The following LRRTM4 variants were observed in gnomAD, a reference collection of about 807,000 sequenced individuals.
LRRTM4 encodes the protein leucine rich repeat transmembrane neuronal 4.
Under a neutral mutation model 47.6 loss-of-function variants are expected in LRRTM4, and 25 were observed. That is an observed-to-expected ratio of 0.53 (90% CI 0.38 to 0.73). The LOEUF (loss-of-function observed/expected upper bound fraction) is 0.73, where lower values mean the gene tolerates loss of function less well. LRRTM4 is among the 30% of genes least tolerant of loss of function. The pLI is 0.00. For missense variants in LRRTM4, 638 were observed against 713.4 expected (o/e 0.89, Z 1.20); for synonymous variants, 311 against 269.5 (o/e 1.15, Z -1.51).
At position 77,055,935 on chromosome 2, in the gene LRRTM4, C is replaced by G. The variant is rs546065208; in HGVS notation, c.1552-307019G>C. Reference sequence around the variant, plus strand: ...AATTATCATTCTCAGTAAACTATTGCAAGAACAAAAAACCAAACACCGCAT... The same window carrying G: ...AATTATCATTCTCAGTAAACTATTGGAAGAACAAAAAACCAAACACCGCAT... On this transcript the variant is annotated intron_variant, in intron 3 of 3. Transcript: ENST00000409884. Among the ~76,000 whole-genome samples the G allele has an allele frequency of 8.7e-5, 13 of 149,876 alleles. No individual in the cohort carries two copies. In the East Asian group the frequency reaches 2.2e-3, roughly 25 times the overall value.
chr2:77,005,743 T>C (rs1677619700), intron 3 of LRRTM4, among the ~76,000 whole-genome samples: 1 of 152,150 alleles, frequency 6.6e-6, no homozygotes, highest in Non-Finnish European at 1.5e-5. Context: ...TCCGCAGTGA[T>C]TGCGAGGCCT....
chr2:77,440,000 A>C (rs1335308578), intron 3 of LRRTM4, among the ~76,000 whole-genome samples: 1 of 152,216 alleles, frequency 6.6e-6, no homozygotes, highest in African/African-American at 2.4e-5. Flanking sequence ...AGTGATATCT[A>C]TCTGTCTTAT....
At chr2:77,056,739 G>GA (rs1388739432) in intron 3 of LRRTM4, among the ~76,000 whole-genome samples, 5 of 152,192 alleles carry the variant, frequency 3.3e-5, no homozygotes, top group South Asian at 2.1e-4. Flanking sequence ...ATGATGTGGA[G>GA]AAAAAAGAAA....
chr2:77,248,547 C>T (rs770793021), intron 3 of LRRTM4, among the ~76,000 whole-genome samples: 4 of 151,904 alleles, frequency 2.6e-5, no homozygotes, highest in Non-Finnish European at 4.4e-5. Context: ...CAAACTAACT[C>T]TAAAGTTTAT....
intron 3 of LRRTM4, among the ~76,000 whole-genome samples, chr2:77,410,105 C>T (rs1573376041): frequency 6.6e-6 from 1 of 152,168 alleles, no homozygotes; most frequent in East Asian, 1.9e-4. Flanking sequence ...ATATCCATAT[C>T]TACATTTATC....
At chr2:76,846,835 C>T (rs892525683) in intron 3 of LRRTM4, among the ~76,000 whole-genome samples, 2 of 151,970 alleles carry the variant, frequency 1.3e-5, no homozygotes, top group African/African-American at 2.4e-5. Context: ...GGATATAGCC[C>T]ATTATCTGGT....
chr2:76,900,924 A>G (rs2103743809), intron 3 of LRRTM4, among the ~76,000 whole-genome samples: 1 of 152,338 alleles, frequency 6.6e-6, no homozygotes, highest in South Asian at 2.1e-4. Flanking sequence ...TGAAAGACCT[A>G]AAAATACGCC....
intron 3 of LRRTM4, among the ~76,000 whole-genome samples, chr2:77,088,134 A>T (rs1680787706): frequency 6.6e-6 from 1 of 152,194 alleles, no homozygotes; most frequent in African/African-American, 2.4e-5. Context: ...AAGAGAAGAT[A>T]ATTTATTTTG....
chr2:76,832,657 C>T (rs1056281810), intron 3 of LRRTM4, among the ~76,000 whole-genome samples: 6 of 151,954 alleles, frequency 3.9e-5, no homozygotes, highest in Non-Finnish European at 5.9e-5. Flanking sequence ...GAGATTGAAT[C>T]TAAATAACAT....
At chr2:76,779,845 T>G (rs1389562452) in intron 3 of LRRTM4, among the ~76,000 whole-genome samples, 2 of 152,182 alleles carry the variant, frequency 1.3e-5, no homozygotes, top group Non-Finnish European at 2.9e-5. Flanking sequence ...TGATGCAGTT[T>G]CTTCCTAGTC....
chr2:77,016,388 A>G (rs1396655750), intron 3 of LRRTM4, among the ~76,000 whole-genome samples: 1 of 151,734 alleles, frequency 6.6e-6, no homozygotes, highest in Admixed American at 6.6e-5. Flanking sequence ...CCATTTAAAA[A>G]AAAAAAAAAA....
chr2:77,479,837 A>G (rs1309039119), intron 3 of LRRTM4, among the ~76,000 whole-genome samples: 1 of 151,502 alleles, frequency 6.6e-6, no homozygotes, highest in Non-Finnish European at 1.5e-5. Context: ...CTTCTTCAGA[A>G]TGATTGCATG....
At chr2:77,325,255 A>C (rs116356813) in intron 3 of LRRTM4, among the ~76,000 whole-genome samples, 6,663 of 152,252 alleles carry the variant, frequency 0.044, 216 homozygotes, top group Non-Finnish European at 0.058. Flanking sequence ...AACAAACAAA[A>C]AAAAGATAGT....
intron 3 of LRRTM4, among the ~76,000 whole-genome samples, chr2:77,221,261 G>A (rs1674622928): frequency 6.6e-6 from 1 of 152,312 alleles, no homozygotes; most frequent in East Asian, 1.9e-4. Context: ...ATGCCAAATT[G>A]CAAAGACCAT....
chr2:77,311,560 T>C (rs190285374), intron 3 of LRRTM4, among the ~76,000 whole-genome samples: 86 of 152,308 alleles, frequency 5.6e-4, no homozygotes, highest in African/African-American at 2.0e-3. Flanking sequence ...ATAAAGTTAC[T>C]TTGACAGTCA....
intron 3 of LRRTM4, among the ~76,000 whole-genome samples, chr2:76,949,369 T>C (rs1374717892): frequency 6.6e-6 from 1 of 151,876 alleles, no homozygotes; most frequent in African/African-American, 2.4e-5. Context: ...CTCATGGAAT[T>C]CACAATAAAG....
chr2:77,110,091 T>C (rs866095783), intron 3 of LRRTM4, among the ~76,000 whole-genome samples: 10 of 152,132 alleles, frequency 6.6e-5, no homozygotes, highest in African/African-American at 2.4e-4. Context: ...TTGAAAGGCA[T>C]GAATCCTTAG....
At chr2:76,986,213 A>C (rs2103978553) in intron 3 of LRRTM4, among the ~76,000 whole-genome samples, 1 of 150,252 alleles carries the variant, frequency 6.7e-6, no homozygotes, top group East Asian at 1.9e-4. Flanking sequence ...GAACTTCTGA[A>C]GAGTGTGCAT....
chr2:77,423,868 G>A (rs1675003912), intron 3 of LRRTM4, among the ~76,000 whole-genome samples: 1 of 152,086 alleles, frequency 6.6e-6, no homozygotes, highest in Admixed American at 6.5e-5. Flanking sequence ...CTGGGTTCAG[G>A]AATCCCAAAG....
Sources: allele counts gnomAD v4.1 joint callset (sites outside exome capture counted in the v4.1 genomes callset), GRCh38; gene constraint gnomAD v4.1.1; transcripts MANE v1.5; gene names NCBI Gene and HGNC (gene_info 2026-07-23, HGNC 2026-07-21).